UBAC2: variants seen among roughly 807,000 people sequenced by gnomAD.
UBAC2 encodes ubiquitin-associated domain-containing protein 2.
In UBAC2, 26 loss-of-function variants were observed where a neutral mutation model predicts 44.0. The ratio of observed to expected loss-of-function variants is 0.59; its 90% confidence interval spans 0.43 to 0.82. The LOEUF is 0.82. Ranked by LOEUF, UBAC2 falls within the 40% of genes least tolerant of loss-of-function variation. The pLI, the probability that UBAC2 is intolerant of heterozygous loss-of-function variation, is 0.00. For synonymous variants in UBAC2, 155 were observed against 154.3 expected (o/e 1.00, Z -0.04); for missense variants, 329 against 419.4 (o/e 0.78, Z 1.88).
At chr13:99,224,858 G>T (rs1257095747) in intron 1 of UBAC2, among the ~76,000 whole-genome samples, 1 of 152,086 alleles carries the variant, frequency 6.6e-6, no homozygotes, top group Non-Finnish European at 1.5e-5. Flanking sequence ...AAATTTTTAC[G>T]TAGTAAAAGT....
At chr13:99,283,408 A>AT (rs952513640) in intron 4 of UBAC2, among the ~76,000 whole-genome samples, 49 of 151,702 alleles carry the variant, frequency 3.2e-4, no homozygotes, top group African/African-American at 1.1e-3. Flanking sequence ...CCATTTGGAG[A>AT]TTTTTTTTTG....
intron 6 of UBAC2, among the ~76,000 whole-genome samples, chr13:99,322,779 A>C (rs1328468804): frequency 1.3e-5 from 2 of 152,200 alleles, no homozygotes; most frequent in Admixed American, 6.5e-5. Flanking sequence ...AAGCACTTCA[A>C]GAAGAAACAC....
intron 4 of UBAC2, among the ~76,000 whole-genome samples, chr13:99,287,515 G>C (rs7335579): frequency 0.71 from 108,412 of 151,906 alleles, 40,206 homozygotes; most frequent in East Asian, 0.83. Context: ...GCCTTGACTT[G>C]CTGAGCTCAG....
chr13:99,224,784 A>C (rs1171399700), intron 1 of UBAC2, among the ~76,000 whole-genome samples: 1 of 152,210 alleles, frequency 6.6e-6, no homozygotes, highest in Non-Finnish European at 1.5e-5. Flanking sequence ...TTTTCTCTAA[A>C]CACTTAAATG....
intron 1 of UBAC2, among the ~76,000 whole-genome samples, chr13:99,203,283 G>T (rs577151544): frequency 6.6e-6 from 1 of 152,132 alleles, no homozygotes; most frequent in South Asian, 2.1e-4. Context: ...TGGTCCTCCC[G>T]CCTCGGCCTC....
chr13:99,201,254 C>A (rs2042793453), intron 1 of UBAC2: 2 of 1,444,172 alleles, frequency 1.4e-6, no homozygotes, highest in East Asian at 2.5e-5. Context: ...GTGGGCCGGC[C>A]CCAGGCCCTT....
chr13:99,226,370 G>T (rs1332674493), intron 1 of UBAC2, among the ~76,000 whole-genome samples: 1 of 152,160 alleles, frequency 6.6e-6, no homozygotes, highest in East Asian at 1.9e-4. Flanking sequence ...TATCCTGCCT[G>T]CAGTACCTTC....
chr13:99,382,759 G>A (rs1281789221), intron 8 of UBAC2, among the ~76,000 whole-genome samples: 4 of 152,178 alleles, frequency 2.6e-5, no homozygotes, highest in Non-Finnish European at 4.4e-5. Flanking sequence ...TGAGGACTTC[G>A]CTCTGGGGGC....
chr13:99,331,762 A>G (rs976924605), intron 6 of UBAC2, among the ~76,000 whole-genome samples: 2 of 152,238 alleles, frequency 1.3e-5, no homozygotes, highest in African/African-American at 4.8e-5. Context: ...AAATTAGGGA[A>G]TGTACAAAGT....
At chr13:99,203,086 G>A (rs1469176674) in intron 1 of UBAC2, among the ~76,000 whole-genome samples, 2 of 151,634 alleles carry the variant, frequency 1.3e-5, no homozygotes, top group African/African-American at 4.8e-5. Flanking sequence ...TGCCCAGGCT[G>A]GAGTGCAGTG....
rs181436508 is a variant in UBAC2, at chr13:99,362,080, T to C, written c.808-5707T>C. ...AATTTATGTAAATAGTATTACATTT[T>C]ATTTATATTATTTACATAAACTACA... is the stretch of plus-strand genomic sequence containing the variant. On this transcript the variant is annotated intron_variant, in intron 7 of 8. Transcript: ENST00000403766. Among the ~76,000 whole-genome samples the C allele has an allele frequency of 1.5e-3, 226 of 152,360 alleles. 3 individuals carry two copies. Among genetic ancestry groups the C allele is most frequent in the Admixed American group, 4.0e-3 (61 of 15,300 alleles).
chr13:99,255,380 T>C (rs748541807), intron 4 of UBAC2: 1 of 1,614,106 alleles, frequency 6.2e-7, no homozygotes. Flanking sequence ...GTGGAGTCTT[T>C]ATCTGGGTCT....
rs1305164638 is a variant in UBAC2, at chr13:99,237,480, G to A, written c.32-947G>A. 3.3e-5 allele frequency among the ~76,000 whole-genome samples: 5 copies of A among 152,092 alleles called. No homozygotes were observed. In the East Asian group the frequency reaches 9.6e-4, roughly 29 times the overall value. ...GTAGGTTGGTGGTTATCAGAGGCTG[G>A]GAAGGGTAGGAGGGAGAGGGGGATA... On this transcript the variant is annotated intron_variant, in intron 1 of 8. Transcript: ENST00000403766.
At chr13:99,320,226 CT>C (rs1314039649) in intron 6 of UBAC2, among the ~76,000 whole-genome samples, 1 of 152,070 alleles carries the variant, frequency 6.6e-6, no homozygotes, top group Non-Finnish European at 1.5e-5. Flanking sequence ...CATTTTTCAT[CT>C]CTTTATAGTC....
At chr13:99,256,022 A>G in intron 4 of UBAC2, 3 of 671,240 alleles carry the variant, frequency 4.5e-6, no homozygotes, top group Non-Finnish European at 7.4e-6. Context: ...CATTTAATCA[A>G]GGAACGATTC....
chr13:99,219,260 G>C (rs1349590231), intron 1 of UBAC2, among the ~76,000 whole-genome samples: 1 of 152,156 alleles, frequency 6.6e-6, no homozygotes, highest in Non-Finnish European at 1.5e-5. Flanking sequence ...GAATGCTTCT[G>C]TAACAGCCCA....
intron 4 of UBAC2, among the ~76,000 whole-genome samples, chr13:99,302,793 T>C (rs1027429962): frequency 2.0e-5 from 3 of 152,192 alleles, no homozygotes; most frequent in Admixed American, 1.3e-4. Context: ...TCCATTCTAT[T>C]AATAATACGC....
At chr13:99,363,066 T>C (rs1433921210) in intron 7 of UBAC2, among the ~76,000 whole-genome samples, 1 of 152,228 alleles carries the variant, frequency 6.6e-6, no homozygotes, top group Non-Finnish European at 1.5e-5. Context: ...TTGTGGGTGG[T>C]GTGAAGTAAG....
At chr13:99,276,255 T>A (rs1313961558) in intron 4 of UBAC2, among the ~76,000 whole-genome samples, 2 of 152,150 alleles carry the variant, frequency 1.3e-5, no homozygotes, top group Non-Finnish European at 2.9e-5. Flanking sequence ...TAGTATCAGA[T>A]CCTACAAGTC....
Sources: gnomAD v4.1 joint callset for allele counts (sites outside exome capture counted in the v4.1 genomes callset) on GRCh38, gnomAD v4.1.1 for gene constraint, MANE v1.5 for transcripts, NCBI Gene and HGNC (gene_info 2026-07-23, HGNC 2026-07-21) for gene names.